The following TRANK1 variants were observed in gnomAD, a reference collection of about 807,000 sequenced individuals.
The protein encoded by TRANK1 is tetratricopeptide repeat and ankyrin repeat containing 1.
A neutral mutation model predicts 266.0 loss-of-function variants in TRANK1; 198 were observed. The observed-to-expected ratio is 0.74, with a 90% CI of 0.66 to 0.84. The LOEUF is 0.84. TRANK1 is among the 40% of genes least tolerant of loss of function. TRANK1 has a pLI of 0.00. For synonymous variants in TRANK1, 1,396 were observed against 1,384.1 expected (o/e 1.01, Z -0.19); for missense variants, 3,326 against 3,634.6 (o/e 0.92, Z 2.18).
Position 36,903,271 on chromosome 3 carries a change from G to A in TRANK1, c.160C>T (p.Pro54Ser). ...AGCAGCACAGCCAAGTCCCTCGGGG[G>A]AACCCTGTAAGAACAAACCGGTGGT... The part of the protein sequence containing the change: ...ILLQLYQWGV[P>S]PRDLAVLLCN... The change falls in exon 3 of 24, where the codon CCC (proline) becomes TCC (serine). Residue 54 changes from proline (P) to serine (S), a missense_variant. Coordinates refer to ENST00000645898, the MANE Select transcript of TRANK1 (RefSeq NM_001329998.2). 1 of 1,537,078 alleles carries A rather than the reference G, an allele frequency of 6.5e-7. No individual in the cohort carries two copies. Among genetic ancestry groups the A allele is most frequent in the Non-Finnish European group, 8.7e-7 (1 of 1,146,748 alleles).
intron 4 of TRANK1, among the ~76,000 whole-genome samples, chr3:36,896,969 G>C (rs781417488): frequency 1.3e-5 from 2 of 151,344 alleles, no homozygotes; most frequent in African/African-American, 4.9e-5. Flanking sequence ...ACTTCAGCCT[G>C]GGCGAAAAGA....
chr3:36,881,650 T>C (rs73068047), intron 8 of TRANK1, among the ~76,000 whole-genome samples: 89 of 152,240 alleles, frequency 5.8e-4, no homozygotes, highest in Non-Finnish European at 1.1e-3. Context: ...ATAATTTAAT[T>C]AGTTTTAGTA....
In TRANK1 at chr3:36,857,043, C is replaced by T. The variant is rs375339994; in HGVS notation, c.2679G>A (p.Leu893=). The T allele has an allele frequency of 3.2e-5, 52 of 1,613,908 alleles. No individual in the cohort carries two copies. The highest frequency in any genetic ancestry group is 4.2e-5 in the Non-Finnish European group (49 of 1,179,890). The change falls in exon 13 of 24, where the codon CTG becomes CTA. Residue 893 remains leucine, a synonymous_variant. Coordinates refer to ENST00000645898, the MANE Select transcript of TRANK1 (RefSeq NM_001329998.2). The surrounding 1 kb of genome is among the most constrained non-coding windows in gnomAD (Gnocchi z 4.3). ...CCCAGAGCATCCGGGCTCCTTTGTC[C>T]AGCTTAGCTTCGAAGAGCTGGATGC... ...KGSIQLFEAK[L]DKGARMLWEL... is the part of the protein sequence containing the mutation.
chr3:36,892,862 T>TATATATATATAG (rs1553626397), intron 6 of TRANK1, 39 bp downstream of exon 6: 1 of 738,810 alleles, frequency 1.4e-6, no homozygotes, highest in African/African-American at 2.0e-5. Context: ...CATATATATA[T>TATATATATATAG]ATATATATAG....
chr3:36,844,963 A>T (rs1226274212), intron 17 of TRANK1, among the ~76,000 whole-genome samples: 1 of 152,138 alleles, frequency 6.6e-6, no homozygotes, highest in African/African-American at 2.4e-5. Flanking sequence ...TTTCTCCTTC[A>T]TGAAGGGCTG....
chr3:36,842,730 T>A lies in TRANK1; in HGVS notation c.5192-20A>T, dbSNP rs1259790833. 4 of 1,605,530 alleles carry A rather than the reference T, an allele frequency of 2.5e-6. No individual in the cohort carries two copies. Among genetic ancestry groups the A allele is most frequent in the Non-Finnish European group, 3.4e-6 (4 of 1,173,896 alleles). On this transcript the variant is annotated intron_variant, in intron 17 of 23. Coordinates refer to ENST00000645898, the MANE Select transcript of TRANK1 (RefSeq NM_001329998.2). ...CAAAGTCTAAAATGAGAAAGAAAAG[T>A]GTGTTTGCTTCTCTGGGCTTTCTTT...
At chr3:36,934,973 C>G (rs2080404929) in intron 1 of TRANK1, among the ~76,000 whole-genome samples, 1 of 152,158 alleles carries the variant, frequency 6.6e-6, no homozygotes, top group Non-Finnish European at 1.5e-5. Context: ...CCTGGCCCAC[C>G]CTCACCCAGC....
chr3:36,859,241 T>C (rs1344578743), intron 11 of TRANK1, among the ~76,000 whole-genome samples: 1 of 150,870 alleles, frequency 6.6e-6, no homozygotes, highest in East Asian at 1.9e-4. Flanking sequence ...ACACAGTCAG[T>C]GTGAGGACAC....
At chr3:36,941,680 T>C (rs1425284601) in intron 1 of TRANK1, among the ~76,000 whole-genome samples, 1 of 152,244 alleles carries the variant, frequency 6.6e-6, no homozygotes, top group African/African-American at 2.4e-5. Flanking sequence ...ATACTTTCTT[T>C]TTTAAAGGTT....
intron 3 of TRANK1, among the ~76,000 whole-genome samples, chr3:36,901,161 C>T (rs1480717240): frequency 1.4e-5 from 2 of 147,834 alleles, no homozygotes; most frequent in African/African-American, 5.0e-5. Flanking sequence ...CTAAAATATG[C>T]CACTTTGGCA....
At chr3:36,915,965 C>G (rs1321022572) in intron 1 of TRANK1, among the ~76,000 whole-genome samples, 1 of 152,142 alleles carries the variant, frequency 6.6e-6, no homozygotes, top group Non-Finnish European at 1.5e-5. Context: ...GTAATTGCTG[C>G]AGTAAGTAGA....
Position 36,847,341 on chromosome 3 carries a change from A to G in TRANK1, c.4893T>C (p.Tyr1631=), listed in dbSNP as rs777018693. ...ATGAGGAAATGATCTTCCATTCCTT[A>G]TAAGCCTGAACAACAACAAAAAAGT... is the stretch of plus-strand genomic sequence containing the variant. ...LYNFFTDSEA[Y]KEWKIISSFT... is the part of the protein sequence containing the mutation. The change falls in exon 16 of 24, where the codon TAT becomes TAC. Residue 1631 remains tyrosine (Y), a synonymous_variant. Transcript: ENST00000645898. 3.7e-6 allele frequency: 6 copies of G among 1,613,370 alleles called. No individual in the cohort carries two copies. The Admixed American group carries it at 5.0e-5, about 13-fold the overall frequency.
chr3:36,874,028 GTA>G lies in TRANK1; in HGVS notation c.1078+96_1078+97del, dbSNP rs140670539. The G allele has an allele frequency of 9.0e-3, 8,014 of 894,566 alleles. 3 individuals are homozygous for G. Among genetic ancestry groups the G allele is most frequent in the African/African-American group, 0.011 (656 of 58,630 alleles). The allele number at this position is 894,566 out of a possible 1,614,324, so 55.4% of individuals were successfully genotyped here. ...CTCACTTCCATATATATATGTGTGTGTATATATATATATACCAAAAAGAGATA... is the reference window on the plus strand; with the variant it reads ...CTCACTTCCATATATATATGTGTGTGTATATATATATACCAAAAAGAGATA... On this transcript the variant is annotated intron_variant, in intron 9 of 23. Transcript: ENST00000645898.
At position 36,858,912 on chromosome 3, in the gene TRANK1, G is replaced by A. The variant is rs1342273283; in HGVS notation, c.1496-18C>T. ...AGGCAAGGCTGGGAGAGGAGAGAAG[G>A]GAAGCGCAATGTGAGCAGGCACAGC... On this transcript the variant is annotated intron_variant, in intron 11 of 23. Transcript: ENST00000645898. 3 of 1,525,152 alleles carry A rather than the reference G, an allele frequency of 2.0e-6. No homozygotes were observed. The highest frequency in any genetic ancestry group is 2.0e-5 in the Admixed American group (1 of 49,122). 94.5% of individuals were successfully genotyped at this position (1,525,152 alleles called of 1,614,324 possible).
chr3:36,844,362 G>A (rs1208447480), intron 17 of TRANK1, among the ~76,000 whole-genome samples: 1 of 152,088 alleles, frequency 6.6e-6, no homozygotes, highest in Non-Finnish European at 1.5e-5. Context: ...GAGTAGCTGG[G>A]ACTACAGGCA....
At chr3:36,908,263 T>A in intron 2 of TRANK1, 60 bp downstream of exon 2, 1 of 1,230,832 alleles carries the variant, frequency 8.1e-7, no homozygotes, top group Non-Finnish European at 1.0e-6. Context: ...AAAGAAATCA[T>A]AAGGAACAGA....
intron 1 of TRANK1, among the ~76,000 whole-genome samples, chr3:36,937,769 T>C (rs56231935): frequency 0.47 from 71,071 of 152,022 alleles, 17,889 homozygotes; most frequent in Non-Finnish European, 0.56. Flanking sequence ...ATGGCCCCCA[T>C]TGTTTATGCA....
At position 36,913,671 on chromosome 3, in the gene TRANK1, TG is replaced by T. The variant is rs1186934351; in HGVS notation, c.24-5218del. On this transcript the variant is annotated intron_variant, in intron 1 of 23. Coordinates refer to ENST00000645898, the MANE Select transcript of TRANK1 (RefSeq NM_001329998.2). ...TTTTTCTTGGGGAAAGGGGTACAAA[TG>T]TGGGACAAGAAGAACAGGAATTTTC... 5.9e-5 allele frequency among the ~76,000 whole-genome samples: 9 copies of T among 152,246 alleles called. No homozygotes were observed. The East Asian group carries it at 1.4e-3, about 23-fold the overall frequency.
chr3:36,864,336 A>T lies in TRANK1; in HGVS notation c.1223T>A (p.Leu408His). ...KQEVVQRFLRLLSTLQEIPPD... is the reference protein window; with the variant it reads ...KQEVVQRFLRHLSTLQEIPPD... Reference sequence around the variant, plus strand: ...AAAATTACCTTGCAGAGTAGAAAGGAGACGCAAGAACCTCTGAACTACTTC... The same window carrying T: ...AAAATTACCTTGCAGAGTAGAAAGGTGACGCAAGAACCTCTGAACTACTTC... Residue 408 changes from leucine (L) to histidine (H), a missense_variant, in exon 10 of 24, where the codon CTC (leucine) becomes CAC (histidine). By Grantham distance (99) the Leu-to-His change is moderately conservative. Coordinates refer to ENST00000645898, the MANE Select transcript of TRANK1 (RefSeq NM_001329998.2). The T allele has an allele frequency of 2.0e-6, 3 of 1,531,304 alleles. No homozygotes were observed. The highest frequency in any genetic ancestry group is 2.6e-6 in the Non-Finnish European group (3 of 1,144,922). The allele number at this position is 1,531,304 out of a possible 1,614,324, so 94.9% of individuals were successfully genotyped here. A position where few individuals can be genotyped will look rare whatever the true frequency, so the allele number is the denominator to read the frequency against.
Sources: gnomAD v4.1 joint callset for allele counts (sites outside exome capture counted in the v4.1 genomes callset) on GRCh38, gnomAD v4.1.1 for gene constraint, Gnocchi (gnomAD v3.1) non-coding constraint, MANE v1.5 for transcripts, NCBI Gene and HGNC (gene_info 2026-07-23, HGNC 2026-07-21) for gene names.